Variants in BCL2 observed in about 807,000 individuals in gnomAD.
BCL2 encodes the protein apoptosis regulator Bcl-2.
BCL2 carries 1 observed loss-of-function variant against 14.2 expected under a neutral mutation model. That is an observed-to-expected ratio of 0.07 (90% CI 0.02 to 0.33). The LOEUF (loss-of-function observed/expected upper bound fraction) is 0.33, where lower values mean the gene tolerates loss of function less well. Ranked by LOEUF, BCL2 falls within the 10% of genes least tolerant of loss-of-function variation. BCL2 has a pLI of 0.99. For missense variants in BCL2, 247 were observed against 305.9 expected, an observed-to-expected ratio of 0.81 and a Z score of 1.44; for synonymous variants, 151 against 137.2, an observed-to-expected ratio of 1.10 and a Z score of -0.70.
At chr18:63,162,320 A>G (rs11875184) in intron 2 of BCL2, among the ~76,000 whole-genome samples, 44,036 of 152,040 alleles carry the variant, frequency 0.29, 8,867 homozygotes, top group East Asian at 0.54. Context: ...ACCTCATGAA[A>G]CAGAGATGAC....
At chr18:63,190,639 A>G (rs917019784) in intron 2 of BCL2, among the ~76,000 whole-genome samples, 4 of 152,250 alleles carry the variant, frequency 2.6e-5, no homozygotes, top group Non-Finnish European at 5.9e-5. Flanking sequence ...GATTGTTCTC[A>G]ACCCTAGAAA....
intron 2 of BCL2, chr18:63,315,802 T>C (rs1359461312): frequency 6.6e-6 from 1 of 152,242 alleles, no homozygotes; most frequent in Admixed American, 6.5e-5. Context: ...AAATCATTCA[T>C]CATTCTCAAA....
chr18:63,217,538 T>A (rs573964543), intron 2 of BCL2, among the ~76,000 whole-genome samples: 1 of 152,168 alleles, frequency 6.6e-6, no homozygotes, highest in South Asian at 2.1e-4. Context: ...TGATCCCCAA[T>A]AGTTCACCCA....
intron 2 of BCL2, among the ~76,000 whole-genome samples, chr18:63,262,453 G>T (rs894844903): frequency 6.6e-6 from 1 of 152,134 alleles, no homozygotes; most frequent in Non-Finnish European, 1.5e-5. Context: ...GTAAGTGCTG[G>T]GTTGCTGACC....
chr18:63,292,318 G>A (rs1451885949), intron 2 of BCL2, among the ~76,000 whole-genome samples: 3 of 151,768 alleles, frequency 2.0e-5, no homozygotes, highest in African/African-American at 7.3e-5. Context: ...GGACCATCCT[G>A]GCCTACCCTA....
chr18:63,292,490 A>G (rs1041867417), intron 2 of BCL2, among the ~76,000 whole-genome samples: 2 of 152,214 alleles, frequency 1.3e-5, no homozygotes, highest in Non-Finnish European at 2.9e-5. Context: ...GACTTTATAC[A>G]GCGCACTCAC....
intron 2 of BCL2, among the ~76,000 whole-genome samples, chr18:63,145,270 T>C (rs927845309): frequency 6.6e-6 from 1 of 152,252 alleles, no homozygotes; most frequent in Non-Finnish European, 1.5e-5. Context: ...AAAGTGGTTG[T>C]GTCTGCAACG....
At chr18:63,312,277 A>AG (rs938706496) in intron 2 of BCL2, among the ~76,000 whole-genome samples, 2 of 152,220 alleles carry the variant, frequency 1.3e-5, no homozygotes, top group Non-Finnish European at 2.9e-5. Flanking sequence ...TAAGGCAGGT[A>AG]GGGGATGGTC....
intron 2 of BCL2, among the ~76,000 whole-genome samples, chr18:63,293,518 G>A (rs1912712510): frequency 6.6e-6 from 1 of 152,226 alleles, no homozygotes; most frequent in Non-Finnish European, 1.5e-5. Context: ...CAGTGTATGT[G>A]TTGTGGTAGT....
intron 2 of BCL2, among the ~76,000 whole-genome samples, chr18:63,241,234 T>C (rs1910991984): frequency 1.3e-5 from 2 of 152,240 alleles, no homozygotes; most frequent in Admixed American, 1.3e-4. Context: ...CGCTTTTACA[T>C]AGCGCTTGTT....
chr18:63,170,150 G>C (rs183012755), intron 2 of BCL2, among the ~76,000 whole-genome samples: 11 of 152,222 alleles, frequency 7.2e-5, no homozygotes, highest in Admixed American at 6.5e-4. Flanking sequence ...TCTATAAAAT[G>C]GGGCTAATGA....
At chr18:63,154,135 C>G (rs1222569658) in intron 2 of BCL2, among the ~76,000 whole-genome samples, 2 of 152,184 alleles carry the variant, frequency 1.3e-5, no homozygotes, top group Admixed American at 1.3e-4. Flanking sequence ...GCCCCCTTGA[C>G]AGCCCTCAGC....
intron 2 of BCL2, among the ~76,000 whole-genome samples, chr18:63,162,298 G>C (rs2144620032): frequency 6.6e-6 from 1 of 152,270 alleles, no homozygotes; most frequent in East Asian, 1.9e-4. Flanking sequence ...TTCTGAGCCA[G>C]TAGAAATTTA....
At chr18:63,309,564 C>G (rs1913242068) in intron 2 of BCL2, among the ~76,000 whole-genome samples, 6 of 152,192 alleles carry the variant, frequency 3.9e-5, no homozygotes. Flanking sequence ...GTGCCCACAT[C>G]TGTCCTGTCC....
chr18:63,160,778 C>T (rs776627273), intron 2 of BCL2, among the ~76,000 whole-genome samples: 53 of 131,332 alleles, frequency 4.0e-4, no homozygotes, highest in East Asian at 8.8e-4. Flanking sequence ...GGCGGGGCTG[C>T]GAGAAAAAAG....
chr18:63,146,326 G>A (rs1914510824), intron 2 of BCL2, among the ~76,000 whole-genome samples: 1 of 152,254 alleles, frequency 6.6e-6, no homozygotes, highest in Non-Finnish European at 1.5e-5. Flanking sequence ...GGACCTTCCA[G>A]CCCGCCTCCT....
chr18:63,268,093 C>T (rs75340230), intron 2 of BCL2, among the ~76,000 whole-genome samples: 2,160 of 152,364 alleles, frequency 0.014, 48 homozygotes, highest in African/African-American at 0.047. Flanking sequence ...AAAGCTGTCA[C>T]TGTTGTGTAT....
rs1370097674 is a variant in BCL2 at position 63,149,383 on chromosome 18, C to A, written c.586-20624G>T. On this transcript the variant is annotated intron_variant, in intron 2 of 2. Transcript: ENST00000333681. This position sits in a 1 kb window ranked among gnomAD's most constrained non-coding sequence, Gnocchi z 4.2. Reference sequence around the variant, plus strand: ...GAGCCGGAGCTCAGGCAGTGATGCTCGCCAGCTGCTCACCTCCTGCTGTGC... The same window carrying A: ...GAGCCGGAGCTCAGGCAGTGATGCTAGCCAGCTGCTCACCTCCTGCTGTGC... 6.6e-6 allele frequency among the ~76,000 whole-genome samples: 1 copy of A among 152,212 alleles called. No homozygotes were observed. The highest frequency in any genetic ancestry group is 1.5e-5 in the Non-Finnish European group (1 of 68,030).
intron 2 of BCL2, among the ~76,000 whole-genome samples, chr18:63,269,081 T>C (rs1911925307): frequency 6.6e-6 from 1 of 151,880 alleles, no homozygotes. Context: ...CCCAAGTAGC[T>C]AGGACTATAG....
Sources: gnomAD v4.1 joint callset for allele counts (sites outside exome capture counted in the v4.1 genomes callset) on GRCh38, gnomAD v4.1.1 for gene constraint, Gnocchi (gnomAD v3.1) non-coding constraint, MANE v1.5 for transcripts, NCBI Gene and HGNC (gene_info 2026-07-23, HGNC 2026-07-21) for gene names.